Variants in RASAL2 observed in about 807,000 individuals in gnomAD.
RASAL2 encodes the protein RAS protein activator like 2.
Under a neutral mutation model 128.9 loss-of-function variants are expected in RASAL2, and 58 were observed. The ratio of observed to expected loss-of-function variants is 0.45; its 90% CI spans 0.36 to 0.56. The LOEUF (loss-of-function observed/expected upper bound fraction) is 0.56, where lower values mean the gene tolerates loss of function less well. Ranked by LOEUF, RASAL2 falls within the 20% of genes least tolerant of loss-of-function variation. The probability of loss-of-function intolerance (pLI) is 0.00; values close to 1 mark genes in which losing one functional copy is unlikely to be tolerated. For synonymous variants in RASAL2, 561 were observed against 580.8 expected (o/e 0.97, Z 0.49); for missense variants, 1,360 against 1,601.6 (o/e 0.85, Z 2.57).
intron 4 of RASAL2, among the ~76,000 whole-genome samples, chr1:178,415,310 G>A (rs2102723520): frequency 6.6e-6 from 1 of 151,984 alleles, no homozygotes; most frequent in African/African-American, 2.4e-5. Context: ...TTTCTCTTGA[G>A]ATTTCTTCTT....
intron 1 of RASAL2, among the ~76,000 whole-genome samples, chr1:178,099,836 C>T (rs1658827911): frequency 6.6e-6 from 1 of 152,062 alleles, no homozygotes; most frequent in Admixed American, 6.5e-5. Context: ...GTGGCATGCA[C>T]CTGTAATCCC....
At chr1:178,409,653 C>A (rs1183135814) in intron 4 of RASAL2, among the ~76,000 whole-genome samples, 1 of 152,180 alleles carries the variant, frequency 6.6e-6, no homozygotes, top group Non-Finnish European at 1.5e-5. Context: ...CTTACCAGGG[C>A]CATGCCTAGC....
At chr1:178,140,332 G>A (rs1052940115) in intron 1 of RASAL2, among the ~76,000 whole-genome samples, 1 of 152,052 alleles carries the variant, frequency 6.6e-6, no homozygotes, top group Non-Finnish European at 1.5e-5. Flanking sequence ...AACCAATATT[G>A]ATGCGTTATC....
chr1:178,296,907 G>C (rs772188061), intron 2 of RASAL2, among the ~76,000 whole-genome samples: 9 of 151,360 alleles, frequency 5.9e-5, no homozygotes, highest in Non-Finnish European at 1.3e-4. Flanking sequence ...CCTGAACTCA[G>C]GTGATCTACT....
At chr1:178,236,421 A>G (rs1664243248) in intron 1 of RASAL2, among the ~76,000 whole-genome samples, 2 of 152,204 alleles carry the variant, frequency 1.3e-5, no homozygotes, top group Non-Finnish European at 2.9e-5. Context: ...AGCTTAGACT[A>G]GCCACTAAAA....
rs1476677418 is a variant in RASAL2, at chr1:178,371,341, CACACACACACAAAT to C, written c.458-18747_458-18734del. Among the ~76,000 whole-genome samples the C allele has an allele frequency of 3.2e-4, 44 of 137,854 alleles. 1 individual carries two copies. In the South Asian group the frequency reaches 7.3e-3, roughly 23 times the overall value. The allele number at this position is 137,854 out of a possible 152,430, so 90.4% of individuals were successfully genotyped here. A position where few individuals can be genotyped will look rare whatever the true frequency, so the allele number is the denominator to read the frequency against. On this transcript the variant is annotated intron_variant, in intron 3 of 17. Transcript: ENST00000367649. ...TCTTTCCCACACACACACACACACA[CACACACACACAAAT>C]ACACACACACACACACACACACTTC...
At chr1:178,108,029 T>G (rs1375465520) in intron 1 of RASAL2, among the ~76,000 whole-genome samples, 1 of 152,170 alleles carries the variant, frequency 6.6e-6, no homozygotes, top group African/African-American at 2.4e-5. Flanking sequence ...ACTGCCAGAC[T>G]GTTTTGGTAC....
At chr1:178,447,196 T>G (rs1292248867) in intron 9 of RASAL2, among the ~76,000 whole-genome samples, 1 of 149,902 alleles carries the variant, frequency 6.7e-6, no homozygotes, top group Non-Finnish European at 1.5e-5. Context: ...GTGGCTCACA[T>G]CTATAGTTCC....
intron 3 of RASAL2, among the ~76,000 whole-genome samples, chr1:178,351,527 C>T (rs534667884): frequency 6.6e-6 from 1 of 152,160 alleles, no homozygotes; most frequent in Non-Finnish European, 1.5e-5. Context: ...GTCAGGAGAT[C>T]AAGACCATCC....
At chr1:178,211,753 C>T (rs1663263419) in intron 1 of RASAL2, among the ~76,000 whole-genome samples, 1 of 152,160 alleles carries the variant, frequency 6.6e-6, no homozygotes. Context: ...CTCCCTTTCT[C>T]TCATTCCCCA....
At chr1:178,439,094 T>C (rs1392720175) in intron 5 of RASAL2, among the ~76,000 whole-genome samples, 2 of 152,086 alleles carry the variant, frequency 1.3e-5, no homozygotes, top group Admixed American at 6.6e-5. Flanking sequence ...AAAGAGTATA[T>C]ATTTCTCCGT....
At chr1:178,199,531 TAACTC>T (rs1448914563) in intron 1 of RASAL2, among the ~76,000 whole-genome samples, 2 of 152,212 alleles carry the variant, frequency 1.3e-5, no homozygotes, top group Non-Finnish European at 2.9e-5. Flanking sequence ...AAATTGGAGA[TAACTC>T]AAATGTTCAT....
chr1:178,413,749 G>T (rs1263256199), intron 4 of RASAL2, among the ~76,000 whole-genome samples: 3 of 152,118 alleles, frequency 2.0e-5, no homozygotes, highest in African/African-American at 7.2e-5. Context: ...TGTACTAAGG[G>T]CTCTAATGGA....
intron 1 of RASAL2, among the ~76,000 whole-genome samples, chr1:178,204,261 A>G (rs1662965332): frequency 1.3e-5 from 2 of 152,184 alleles, no homozygotes; most frequent in African/African-American, 4.8e-5. Context: ...TATGTTAGGC[A>G]TAATTATGAC....
intron 1 of RASAL2, among the ~76,000 whole-genome samples, chr1:178,269,465 A>C (rs1482903843): frequency 6.6e-6 from 1 of 152,230 alleles, no homozygotes; most frequent in Non-Finnish European, 1.5e-5. Context: ...ACCAGGCTGC[A>C]TTCCCAGATG....
At chr1:178,370,743 T>G (rs998924717) in intron 3 of RASAL2, among the ~76,000 whole-genome samples, 1 of 152,180 alleles carries the variant, frequency 6.6e-6, no homozygotes, top group African/African-American at 2.4e-5. Flanking sequence ...CAAGCACTGC[T>G]CTAGCCACTA....
At chr1:178,110,219 C>T (rs561707250) in intron 1 of RASAL2, among the ~76,000 whole-genome samples, 1 of 152,192 alleles carries the variant, frequency 6.6e-6, no homozygotes, top group African/African-American at 2.4e-5. Flanking sequence ...CACTAGACAG[C>T]TACTAATCTG....
At chr1:178,301,215 C>A (rs1243374329) in intron 3 of RASAL2, among the ~76,000 whole-genome samples, 1 of 152,150 alleles carries the variant, frequency 6.6e-6, no homozygotes, top group Admixed American at 6.5e-5. Context: ...TTGGAGAAGT[C>A]AGATTTTTCT....
At chr1:178,413,676 T>A in intron 4 of RASAL2, among the ~76,000 whole-genome samples, 1 of 152,094 alleles carries the variant, frequency 6.6e-6, no homozygotes, top group East Asian at 1.9e-4. Context: ...AGAGCAAGCA[T>A]CAGAACCAGC....
Sources: gnomAD v4.1 joint callset for allele counts (sites outside exome capture counted in the v4.1 genomes callset) on GRCh38, gnomAD v4.1.1 for gene constraint, MANE v1.5 for transcripts, NCBI Gene and HGNC (gene_info 2026-07-23, HGNC 2026-07-21) for gene names.